The following GRM8 variants were observed in gnomAD, a reference collection of about 807,000 sequenced individuals.
GRM8 encodes the protein glutamate metabotropic receptor 8, also known as metabotropic glutamate receptor 8.
A neutral mutation model predicts 87.2 loss-of-function variants in GRM8; 47 were observed. The observed-to-expected ratio is 0.54, with a 90% CI of 0.43 to 0.69. The LOEUF (loss-of-function observed/expected upper bound fraction) is 0.69, where lower values mean the gene tolerates loss of function less well. Among genes scored for constraint, GRM8 ranks in the 30% least tolerant of loss-of-function variants. GRM8 has a pLI of 0.00. For synonymous variants in GRM8, 396 were observed against 404.5 expected, an observed-to-expected ratio of 0.98 and a Z score of 0.25; for missense variants, 1,019 against 1,139.2, an observed-to-expected ratio of 0.89 and a Z score of 1.52.
intron 6 of GRM8, among the ~76,000 whole-genome samples, chr7:126,865,016 C>T (rs1338198718): frequency 6.6e-6 from 1 of 152,214 alleles, no homozygotes; most frequent in African/African-American, 2.4e-5. Flanking sequence ...AACCAGTTTT[C>T]TTTCAGCTTC....
At chr7:126,546,904 G>T (rs1377739358) in intron 8 of GRM8, among the ~76,000 whole-genome samples, 1 of 152,060 alleles carries the variant, frequency 6.6e-6, no homozygotes, top group Non-Finnish European at 1.5e-5. Flanking sequence ...GGGGTTTTTT[G>T]GATGCAAGGC....
chr7:126,521,440 C>T (rs865814691), intron 9 of GRM8, among the ~76,000 whole-genome samples: 1 of 151,912 alleles, frequency 6.6e-6, no homozygotes, highest in South Asian at 2.1e-4. Context: ...CAAAAACCTA[C>T]AATTAGTGTG....
intron 6 of GRM8, among the ~76,000 whole-genome samples, chr7:126,807,071 C>T (rs77682139): frequency 3.9e-5 from 6 of 152,194 alleles, no homozygotes; most frequent in African/African-American, 1.4e-4. Flanking sequence ...AGGGGATATA[C>T]ATTGTCAGGT....
chr7:127,251,468 T>C (rs1342393005), intron 1 of GRM8, among the ~76,000 whole-genome samples: 1 of 152,134 alleles, frequency 6.6e-6, no homozygotes, highest in African/African-American at 2.4e-5. Context: ...TACCTCTCCG[T>C]TTCTATCTCT....
At chr7:127,108,464 T>C (rs1156317732) in intron 2 of GRM8, among the ~76,000 whole-genome samples, 1 of 152,088 alleles carries the variant, frequency 6.6e-6, no homozygotes, top group Non-Finnish European at 1.5e-5. Context: ...GGGAAGGGAA[T>C]AGGGGAGCAT....
At chr7:126,528,614 T>TTGTGTGTGTGTG (rs59437677) in intron 9 of GRM8, among the ~76,000 whole-genome samples, 10,173 of 149,034 alleles carry the variant, frequency 0.068, 383 homozygotes, top group Admixed American at 0.1. Context: ...ACAAAAGAAG[T>TTGTGTGTGTGTG]TGTGTGTGTG....
chr7:126,939,059 A>G (rs1806628620), intron 3 of GRM8, among the ~76,000 whole-genome samples: 1 of 152,074 alleles, frequency 6.6e-6, no homozygotes, highest in Non-Finnish European at 1.5e-5. Flanking sequence ...GTCTAAAATC[A>G]TTGCCACCTG....
intron 8 of GRM8, among the ~76,000 whole-genome samples, chr7:126,592,350 T>C (rs1796755199): frequency 6.6e-6 from 1 of 151,750 alleles, no homozygotes; most frequent in Non-Finnish European, 1.5e-5. Flanking sequence ...CAAGCCAATA[T>C]CCCTGATGAA....
chr7:127,106,111 T>C (rs1479265731), intron 3 of GRM8, among the ~76,000 whole-genome samples: 1 of 152,268 alleles, frequency 6.6e-6, no homozygotes, highest in Non-Finnish European at 1.5e-5. Flanking sequence ...TAGTGTTGGA[T>C]GTTAAATTCC....
At chr7:126,865,494 C>A (rs899432209) in intron 6 of GRM8, among the ~76,000 whole-genome samples, 1 of 152,174 alleles carries the variant, frequency 6.6e-6, no homozygotes, top group Non-Finnish European at 1.5e-5. Flanking sequence ...CATAGCACAG[C>A]TCATCTATCA....
chr7:126,494,043 T>C lies in GRM8; in HGVS notation c.2430+38909A>G, dbSNP rs530606183. Among the ~76,000 whole-genome samples, 6 of 152,044 alleles carry C rather than the reference T, an allele frequency of 3.9e-5. No homozygotes were observed. The South Asian group carries it at 1.2e-3, about 32-fold the overall frequency. On this transcript the variant is annotated intron_variant, in intron 9 of 10. Coordinates refer to ENST00000339582, the MANE Select transcript of GRM8 (RefSeq NM_000845.3). The stretch of plus-strand genomic sequence containing the variant: ...TCTCAAGAATCACACTCATGGCCAC[T>C]GGGGAAGCATGGGGTATTAGGAAGC...
At chr7:126,996,055 A>T (rs909940118) in intron 3 of GRM8, among the ~76,000 whole-genome samples, 4 of 152,174 alleles carry the variant, frequency 2.6e-5, no homozygotes, top group Admixed American at 1.3e-4. Flanking sequence ...TGACATACTT[A>T]AAGTACAGAA....
chr7:127,041,795 T>A (rs1427753088), intron 3 of GRM8, among the ~76,000 whole-genome samples: 1 of 152,192 alleles, frequency 6.6e-6, no homozygotes, highest in Admixed American at 6.5e-5. Context: ...AAATGAACGA[T>A]GGAAACTAGC....
chr7:126,491,335 T>A (rs866666415), intron 9 of GRM8, among the ~76,000 whole-genome samples: 1 of 152,080 alleles, frequency 6.6e-6, no homozygotes, highest in Admixed American at 6.6e-5. Flanking sequence ...CTATTACAAA[T>A]GTTCAAAAAC....
chr7:127,129,975 G>A (rs1370181559), intron 2 of GRM8, among the ~76,000 whole-genome samples: 1 of 152,148 alleles, frequency 6.6e-6, no homozygotes, highest in African/African-American at 2.4e-5. Context: ...GGAGGAACCT[G>A]GTGGGAGGTG....
intron 7 of GRM8, among the ~76,000 whole-genome samples, chr7:126,624,435 C>T (rs1486541272): frequency 6.6e-6 from 1 of 152,188 alleles, no homozygotes; most frequent in East Asian, 1.9e-4. Context: ...AGAGGCTTGT[C>T]GGATCACCAT....
rs1260351147 is a variant in GRM8 at position 126,903,593 on chromosome 7, C to G, written c.1018+379G>C. Among the ~76,000 whole-genome samples the G allele has an allele frequency of 2.1e-5, 3 of 145,366 alleles. 1 individual carries two copies. Among genetic ancestry groups the G allele is most frequent in the Admixed American group, 1.4e-4 (2 of 14,214 alleles). ...ACACACACACACACACACACACACA[C>G]ACACACACTATATACATATATACAT... On this transcript the variant is annotated intron_variant, in intron 5 of 10. Coordinates refer to ENST00000339582, the MANE Select transcript of GRM8 (RefSeq NM_000845.3).
intron 3 of GRM8, among the ~76,000 whole-genome samples, chr7:126,947,287 C>T (rs1470385006): frequency 1.3e-5 from 2 of 152,090 alleles, no homozygotes; most frequent in South Asian, 2.1e-4. Flanking sequence ...AAGTATTCTC[C>T]GTACTGAGCC....
chr7:126,439,011 T>A lies in GRM8; in HGVS notation c.*108A>T. ...GTTCCTTACAAGACTGACTATTGAT[T>A]TGATTGATTGTAGTCTACGGAGATC... On this transcript the variant is annotated 3_prime_UTR_variant, in exon 11 of 11. Transcript: ENST00000339582. 1.3e-6 allele frequency: 1 copy of A among 759,764 alleles called. No individual in the cohort carries two copies. The highest frequency in any genetic ancestry group is 2.5e-5 in the East Asian group (1 of 40,558). 47.1% of individuals were successfully genotyped at this position (759,764 alleles called of 1,614,324 possible).
Sources: allele counts gnomAD v4.1 joint callset (sites outside exome capture counted in the v4.1 genomes callset), GRCh38; gene constraint gnomAD v4.1.1; transcripts MANE v1.5; gene names NCBI Gene and HGNC (gene_info 2026-07-23, HGNC 2026-07-21).